GPM6A: variants seen among roughly 807,000 people sequenced by gnomAD.
GPM6A encodes the protein glycoprotein M6A, also known as neuronal membrane glycoprotein M6-a.
GPM6A carries 7 observed loss-of-function variants against 32.1 expected under a neutral mutation model. The ratio of observed to expected loss-of-function variants is 0.22; its 90% confidence interval spans 0.12 to 0.41. GPM6A has a LOEUF of 0.41. GPM6A is among the 10% of genes least tolerant of loss of function. GPM6A has a pLI of 1.00. For synonymous variants in GPM6A, 130 were observed against 123.4 expected, an observed-to-expected ratio of 1.05 and a Z score of -0.35; for missense variants, 235 against 347.2, an observed-to-expected ratio of 0.68 and a Z score of 2.57.
intron 1 of GPM6A, among the ~76,000 whole-genome samples, chr4:175,991,817 C>T (rs1323756867): frequency 1.3e-5 from 2 of 151,940 alleles, no homozygotes; most frequent in African/African-American, 4.8e-5. Context: ...ATATTTGTTT[C>T]GGATGTATAG....
chr4:175,732,373 T>C (rs1408499458), intron 1 of GPM6A, among the ~76,000 whole-genome samples: 2 of 152,168 alleles, frequency 1.3e-5, no homozygotes, highest in Admixed American at 6.5e-5. Flanking sequence ...TTTTCTTCTA[T>C]ATTAATTATT....
intron 1 of GPM6A, among the ~76,000 whole-genome samples, chr4:175,883,912 C>G (rs1027729163): frequency 1.3e-5 from 2 of 152,276 alleles, no homozygotes; most frequent in Middle Eastern, 3.4e-3. Context: ...TTGCATAATA[C>G]AGTTGATTAC....
At chr4:175,964,887 C>T (rs907951470) in intron 1 of GPM6A, among the ~76,000 whole-genome samples, 15 of 152,106 alleles carry the variant, frequency 9.9e-5, no homozygotes, top group Non-Finnish European at 2.1e-4. Flanking sequence ...CAAAACAATC[C>T]TTAATAAGCA....
chr4:175,814,983 C>G (rs981299492), upstream of GPM6A, among the ~76,000 whole-genome samples: 1 of 152,064 alleles, frequency 6.6e-6, no homozygotes, highest in African/African-American at 2.4e-5. Flanking sequence ...CCCCTTCCTC[C>G]TGTTTGATGG....
At chr4:175,979,873 G>T (rs1183706112) in intron 1 of GPM6A, among the ~76,000 whole-genome samples, 1 of 152,116 alleles carries the variant, frequency 6.6e-6, no homozygotes, top group Non-Finnish European at 1.5e-5. Flanking sequence ...AGAGCTATTT[G>T]CTTCTTGTTT....
At chr4:175,994,407 T>C (rs1191507647) in intron 1 of GPM6A, among the ~76,000 whole-genome samples, 1 of 152,184 alleles carries the variant, frequency 6.6e-6, no homozygotes, top group Admixed American at 6.5e-5. Context: ...TCTAAACAAC[T>C]GCAATAAAGC....
chr4:175,808,201 T>A (rs898031834), intron 1 of GPM6A, among the ~76,000 whole-genome samples: 4 of 152,188 alleles, frequency 2.6e-5, no homozygotes, highest in African/African-American at 9.6e-5. Flanking sequence ...ACAAAAAATG[T>A]CTGAAGAGAC....
intron 1 of GPM6A, among the ~76,000 whole-genome samples, chr4:175,833,808 T>G (rs1052366680): frequency 6.6e-6 from 1 of 151,900 alleles, no homozygotes; most frequent in African/African-American, 2.4e-5. Context: ...ACCCAGGGCA[T>G]CAAACCAAGC....
chr4:175,640,031 A>C, intron 6 of GPM6A, 98 bp downstream of exon 6: 2 of 966,918 alleles, frequency 2.1e-6, no homozygotes, highest in Non-Finnish European at 3.4e-6. Context: ...AATGTGTTTT[A>C]CATGAACTTC....
intron 1 of GPM6A, among the ~76,000 whole-genome samples, chr4:175,858,286 C>T (rs1231490299): frequency 1.3e-5 from 2 of 152,164 alleles, no homozygotes; most frequent in Non-Finnish European, 2.9e-5. Flanking sequence ...AATCCCAGCA[C>T]TTTGAGAGGC....
intron 1 of GPM6A, among the ~76,000 whole-genome samples, chr4:175,899,884 T>C (rs1737901369): frequency 6.6e-6 from 1 of 151,906 alleles, no homozygotes; most frequent in Non-Finnish European, 1.5e-5. Flanking sequence ...CACATCAAGT[T>C]AAAAAGCTTC....
chr4:175,994,975 C>A (rs1393609699), intron 1 of GPM6A, among the ~76,000 whole-genome samples: 1 of 152,178 alleles, frequency 6.6e-6, no homozygotes, highest in Non-Finnish European at 1.5e-5. Flanking sequence ...TTTCATTATT[C>A]ATCCATAGAA....
intron 1 of GPM6A, among the ~76,000 whole-genome samples, chr4:175,828,664 G>A (rs937793588): frequency 6.6e-6 from 1 of 151,896 alleles, no homozygotes; most frequent in Non-Finnish European, 1.5e-5. Context: ...TTCTAAATTC[G>A]AATCTGTGGA....
intron 1 of GPM6A, chr4:176,002,270 G>C: frequency 6.3e-7 from 1 of 1,593,696 alleles, no homozygotes; most frequent in Non-Finnish European, 8.6e-7. Context: ...CCGAGGCCGA[G>C]CCTTTGGGCG....
chr4:175,943,946 GA>G (rs1739505424), intron 1 of GPM6A, among the ~76,000 whole-genome samples: 1 of 152,152 alleles, frequency 6.6e-6, no homozygotes, highest in African/African-American at 2.4e-5. Context: ...AACAGTTTTA[GA>G]AAGAATGGTA....
At chr4:175,784,451 T>C (rs1338758107) in intron 1 of GPM6A, among the ~76,000 whole-genome samples, 1 of 152,170 alleles carries the variant, frequency 6.6e-6, no homozygotes, top group Non-Finnish European at 1.5e-5. Flanking sequence ...ATTATATCTA[T>C]GTTAATGTAT....
intron 1 of GPM6A, among the ~76,000 whole-genome samples, chr4:175,933,907 GA>G (rs1739140425): frequency 6.6e-6 from 1 of 152,134 alleles, no homozygotes; most frequent in Non-Finnish European, 1.5e-5. Context: ...CAGATGAGTG[GA>G]AAAATACACT....
intron 1 of GPM6A, among the ~76,000 whole-genome samples, chr4:175,734,765 C>T (rs972085468): frequency 5.9e-5 from 9 of 151,752 alleles, no homozygotes; most frequent in African/African-American, 1.2e-4. Flanking sequence ...CCCAGCTACT[C>T]GGGAGGCTGA....
At chr4:175,923,142 G>A (rs1738720781) in intron 1 of GPM6A, among the ~76,000 whole-genome samples, 1 of 149,392 alleles carries the variant, frequency 6.7e-6, no homozygotes. Context: ...TCTTTGCTAA[G>A]GTATAGGTTA....
Sources: gnomAD v4.1 joint callset for allele counts (sites outside exome capture counted in the v4.1 genomes callset) on GRCh38, gnomAD v4.1.1 for gene constraint, MANE v1.5 for transcripts, NCBI Gene and HGNC (gene_info 2026-07-23, HGNC 2026-07-21) for gene names.